The following MSRB3 variants were observed in gnomAD, a reference collection of about 807,000 sequenced individuals.
MSRB3 encodes the protein methionine-R-sulfoxide reductase B3.
MSRB3 carries 13 observed loss-of-function variants against 21.0 expected under a neutral mutation model. That is an observed-to-expected ratio of 0.62 (90% CI 0.40 to 0.98). The LOEUF is 0.98. Among genes scored for constraint, MSRB3 ranks in the 50% least tolerant of loss-of-function variants. The probability of loss-of-function intolerance (pLI) is 0.00; values close to 1 mark genes in which losing one functional copy is unlikely to be tolerated. For missense variants in MSRB3, 199 were observed against 230.3 expected, an observed-to-expected ratio of 0.86 and a Z score of 0.88; for synonymous variants, 87 against 88.6, an observed-to-expected ratio of 0.98 and a Z score of 0.10.
rs1361788401 is a variant in MSRB3, at chr12:65,330,698, C to T, written c.263+2095C>T. 3.3e-5 allele frequency among the ~76,000 whole-genome samples: 5 copies of T among 152,226 alleles called. No homozygotes were observed. The South Asian group carries it at 1.0e-3, about 32-fold the overall frequency. On this transcript the variant is annotated intron_variant, in intron 4 of 6. Transcript: ENST00000308259. Reference sequence around the variant, plus strand: ...CCCTGGGGTACAATCTCCAGGGCATCAAACAAAATGACAGTTCGGCAACTT... The same window carrying T: ...CCCTGGGGTACAATCTCCAGGGCATTAAACAAAATGACAGTTCGGCAACTT...
chr12:65,369,107 C>A, intron 5 of MSRB3, 81 bp downstream of exon 5: 1 of 1,091,602 alleles, frequency 9.2e-7, no homozygotes, highest in South Asian at 1.3e-5. Flanking sequence ...GATCAAGAAC[C>A]ATTTTGATTT....
chr12:65,322,117 T>TA (rs1402018474), intron 2 of MSRB3, among the ~76,000 whole-genome samples: 1 of 152,152 alleles, frequency 6.6e-6, no homozygotes, highest in Non-Finnish European at 1.5e-5. Context: ...AATAGGAAGT[T>TA]AAAAAAGCCT....
chr12:65,379,757 A>G (rs1324189530), intron 5 of MSRB3, among the ~76,000 whole-genome samples: 1 of 152,182 alleles, frequency 6.6e-6, no homozygotes, highest in African/African-American at 2.4e-5. Flanking sequence ...TTTGGCTACC[A>G]TTGATGCAGT....
intron 5 of MSRB3, among the ~76,000 whole-genome samples, chr12:65,422,310 A>G (rs544243775): frequency 6.6e-6 from 1 of 150,848 alleles, no homozygotes; most frequent in African/African-American, 2.4e-5. Context: ...CCAGTATTAG[A>G]CAGATAATCG....
intron 2 of MSRB3, among the ~76,000 whole-genome samples, chr12:65,322,743 G>C (rs1243059598): frequency 6.6e-6 from 1 of 151,046 alleles, no homozygotes; most frequent in African/African-American, 2.4e-5. Context: ...GGTTTGAGTT[G>C]ATAAGTCTAC....
chr12:65,366,351 G>GC (rs777561614), intron 4 of MSRB3, among the ~76,000 whole-genome samples: 3 of 152,154 alleles, frequency 2.0e-5, no homozygotes, highest in Non-Finnish European at 2.9e-5. Flanking sequence ...TGAAGAAGGG[G>GC]CCCATGTAGG....
intron 4 of MSRB3, among the ~76,000 whole-genome samples, chr12:65,349,464 G>C (rs1432903341): frequency 1.3e-5 from 2 of 151,506 alleles, no homozygotes; most frequent in African/African-American, 2.4e-5. Context: ...TCTAGTTCTA[G>C]ATCCCTGAGG....
chr12:65,423,429 C>T (rs1881425898), intron 5 of MSRB3, among the ~76,000 whole-genome samples: 1 of 152,162 alleles, frequency 6.6e-6, no homozygotes, highest in African/African-American at 2.4e-5. Flanking sequence ...TGTCTTGTTT[C>T]AGATCTTAGA....
In MSRB3 at chr12:65,347,780, G is replaced by A. The variant is rs1407826461; in HGVS notation, c.263+19177G>A. On this transcript the variant is annotated intron_variant, in intron 4 of 6. Coordinates refer to ENST00000308259, the MANE Select transcript of MSRB3 (RefSeq NM_001031679.3). ...GTCCCATCAGTACCTAATTTATTGAGAGTTTTTAGCACGAAGGTTGTTGAA... is the reference window on the plus strand; with the variant it reads ...GTCCCATCAGTACCTAATTTATTGAAAGTTTTTAGCACGAAGGTTGTTGAA... Among the ~76,000 whole-genome samples the A allele has an allele frequency of 2.6e-5, 4 of 152,144 alleles. 1 individual carries two copies. The highest frequency in any genetic ancestry group is 5.9e-5 in the Non-Finnish European group (4 of 68,032).
intron 5 of MSRB3, among the ~76,000 whole-genome samples, chr12:65,442,105 C>A (rs946407233): frequency 1.3e-5 from 2 of 151,878 alleles, no homozygotes; most frequent in African/African-American, 4.8e-5. Flanking sequence ...AGTGAATGAT[C>A]ATAGAAGATT....
chr12:65,408,878 CTTGTTAAAAATAACACAA>C (rs1308679732), intron 5 of MSRB3, among the ~76,000 whole-genome samples: 1 of 152,150 alleles, frequency 6.6e-6, no homozygotes, highest in African/African-American at 2.4e-5. Context: ...GAGGGCAGGC[CTTGTTAAAAATAACACAA>C]TCATCTGGGT....
intron 5 of MSRB3, among the ~76,000 whole-genome samples, chr12:65,449,325 C>CT (rs920291015): frequency 7.2e-5 from 11 of 151,798 alleles, no homozygotes; most frequent in Non-Finnish European, 1.6e-4. Context: ...AGTCAGGACT[C>CT]TAAGTTTCAA....
intron 1 of MSRB3, among the ~76,000 whole-genome samples, chr12:65,308,212 T>C (rs548238779): frequency 1.3e-5 from 2 of 152,334 alleles, no homozygotes; most frequent in African/African-American, 4.8e-5. Flanking sequence ...TCCAGACAGT[T>C]CCTGTCACAT....
intron 4 of MSRB3, among the ~76,000 whole-genome samples, chr12:65,349,849 T>C (rs1471910509): frequency 3.9e-5 from 6 of 151,916 alleles, no homozygotes; most frequent in African/African-American, 7.3e-5. Context: ...TTTTCTCCCG[T>C]TTTGTAGGTT....
At chr12:65,377,481 G>T (rs1208419789) in intron 5 of MSRB3, among the ~76,000 whole-genome samples, 2 of 151,922 alleles carry the variant, frequency 1.3e-5, no homozygotes. Context: ...TGTATTTTCA[G>T]TAGAGATGGG....
intron 4 of MSRB3, among the ~76,000 whole-genome samples, chr12:65,333,308 T>C (rs1057350131): frequency 2.0e-5 from 3 of 152,196 alleles, no homozygotes; most frequent in Admixed American, 6.5e-5. Flanking sequence ...AATGTGCCTG[T>C]TTGAAATGCT....
chr12:65,306,147 A>G (rs779896141), intron 1 of MSRB3, among the ~76,000 whole-genome samples: 5 of 152,198 alleles, frequency 3.3e-5, no homozygotes, highest in Admixed American at 6.5e-5. Context: ...ACACACATCC[A>G]TTGTGATATC....
intron 5 of MSRB3, among the ~76,000 whole-genome samples, chr12:65,424,056 G>A (rs1881455933): frequency 6.6e-6 from 1 of 152,054 alleles, no homozygotes; most frequent in South Asian, 2.1e-4. Context: ...TCATGATTGA[G>A]TCTTAGTATG....
At chr12:65,370,343 T>C (rs1878249218) in intron 5 of MSRB3, among the ~76,000 whole-genome samples, 1 of 152,268 alleles carries the variant, frequency 6.6e-6, no homozygotes, top group East Asian at 1.9e-4. Context: ...GAGTGTAATT[T>C]TACCTAAAAA....
Sources: allele counts gnomAD v4.1 joint callset (sites outside exome capture counted in the v4.1 genomes callset), GRCh38; gene constraint gnomAD v4.1.1; transcripts MANE v1.5; gene names NCBI Gene and HGNC (gene_info 2026-07-23, HGNC 2026-07-21).